Variants in CAMK1D observed in about 807,000 individuals in gnomAD.
CAMK1D encodes the protein calcium/calmodulin-dependent protein kinase type 1D.
In CAMK1D, 9 loss-of-function variants were observed where a neutral mutation model predicts 47.7. The ratio of observed to expected loss-of-function variants is 0.19; its 90% CI spans 0.11 to 0.33. The LOEUF (loss-of-function observed/expected upper bound fraction) is 0.33. Ranked by LOEUF, CAMK1D falls within the 10% of genes least tolerant of loss-of-function variation. The pLI, the probability that CAMK1D is intolerant of heterozygous loss-of-function variation, is 1.00. For missense variants in CAMK1D, 291 were observed against 488.7 expected (o/e 0.60, Z 3.81); for synonymous variants, 184 against 184.9 (o/e 0.99, Z 0.04).
chr10:12,596,931 AAGTTCCTGTCTTTGCTTTGAACACTCT>A (rs1225820978), intron 2 of CAMK1D, among the ~76,000 whole-genome samples: 1 of 152,134 alleles, frequency 6.6e-6, no homozygotes, highest in Admixed American at 6.5e-5. Context: ...ATTGAAAGCA[AAGTTCCTGTCTTTGCTTTGAACACTCT>A]AGTGAAACAG....
intron 1 of CAMK1D, among the ~76,000 whole-genome samples, chr10:12,481,201 A>G (rs1052862446): frequency 1.3e-5 from 2 of 152,112 alleles, no homozygotes; most frequent in South Asian, 2.1e-4. Flanking sequence ...TAACATCACT[A>G]TTGTGGTGTT....
chr10:12,609,080 G>A (rs1358843649), intron 2 of CAMK1D, among the ~76,000 whole-genome samples: 3 of 152,216 alleles, frequency 2.0e-5, no homozygotes, highest in African/African-American at 7.2e-5. Flanking sequence ...GGCCATGCAT[G>A]TGCATAGACA....
intron 2 of CAMK1D, among the ~76,000 whole-genome samples, chr10:12,573,831 C>CTTTTTTT (rs34038018): frequency 0.035 from 2,252 of 64,114 alleles, 269 homozygotes; most frequent in East Asian, 0.053. Context: ...ATTAAAAAAA[C>CTTTTTTT]TTTTTTTTTT....
At position 12,498,510 on chromosome 10, in the gene CAMK1D, C is replaced by A. The variant is rs146879330; in HGVS notation, c.93-54715C>A. Reference sequence around the variant, plus strand: ...GCTGAGATATGGCTGAATCCCATATCCACTGATGTGTTTGATTTTCAGCCT... The same window carrying A: ...GCTGAGATATGGCTGAATCCCATATACACTGATGTGTTTGATTTTCAGCCT... On this transcript the variant is annotated intron_variant, in intron 1 of 10. Coordinates refer to ENST00000619168, the MANE Select transcript of CAMK1D (RefSeq NM_153498.4). Among the ~76,000 whole-genome samples the A allele has an allele frequency of 1.4e-3, 206 of 152,268 alleles. 1 individual carries two copies. The highest frequency in any genetic ancestry group is 4.8e-3 in the African/African-American group (200 of 41,526).
chr10:12,372,221 C>T (rs1315111382), intron 1 of CAMK1D, among the ~76,000 whole-genome samples: 2 of 152,156 alleles, frequency 1.3e-5, no homozygotes, highest in African/African-American at 4.8e-5. Context: ...TTTCTCAGAA[C>T]ATACCCGAGA....
intron 1 of CAMK1D, among the ~76,000 whole-genome samples, chr10:12,486,703 G>T (rs1246064062): frequency 6.6e-6 from 1 of 152,192 alleles, no homozygotes. Flanking sequence ...TGGAATTTGG[G>T]GTCTCTCTCA....
chr10:12,658,862 C>G (rs1185098658), intron 2 of CAMK1D, among the ~76,000 whole-genome samples: 1 of 152,170 alleles, frequency 6.6e-6, no homozygotes, highest in Non-Finnish European at 1.5e-5. Flanking sequence ...CACTCATTCT[C>G]CAAGCCCACG....
intron 6 of CAMK1D, among the ~76,000 whole-genome samples, chr10:12,805,990 G>A (rs1016159137): frequency 6.6e-6 from 1 of 152,228 alleles, no homozygotes; most frequent in Non-Finnish European, 1.5e-5. Context: ...GAACACCAAG[G>A]TGGGGGCCTG....
At chr10:12,784,625 T>C (rs1276404789) in intron 5 of CAMK1D, among the ~76,000 whole-genome samples, 1 of 152,240 alleles carries the variant, frequency 6.6e-6, no homozygotes, top group Non-Finnish European at 1.5e-5. Context: ...GAAAGGTATT[T>C]AGCAAACTGC....
intron 2 of CAMK1D, among the ~76,000 whole-genome samples, chr10:12,615,622 G>A (rs1478866842): frequency 6.8e-6 from 1 of 147,712 alleles, no homozygotes; most frequent in Non-Finnish European, 1.5e-5. Context: ...ATACGTATGT[G>A]TAGTGTGAGT....
At position 12,749,464 on chromosome 10, in the gene CAMK1D, A is replaced by AG. The variant is rs1554820783; in HGVS notation, c.300-11483dup. Among the ~76,000 whole-genome samples the AG allele has an allele frequency of 2.4e-3, 349 of 147,656 alleles. 4 individuals are homozygous for AG. The East Asian group carries it at 0.034, about 14-fold the overall frequency. ...AAGTTAAAAAAAAAAAAAAAAAAAAAGAAATCCATTGTAAGAATGGCTTTT... is the reference window on the plus strand; with the variant it reads ...AAGTTAAAAAAAAAAAAAAAAAAAAAGGAAATCCATTGTAAGAATGGCTTTT... On this transcript the variant is annotated intron_variant, in intron 3 of 10. Transcript: ENST00000619168.
intron 3 of CAMK1D, among the ~76,000 whole-genome samples, chr10:12,744,926 C>G (rs1354132181): frequency 6.6e-6 from 1 of 152,112 alleles, no homozygotes; most frequent in African/African-American, 2.4e-5. Context: ...AAGTCAGATT[C>G]TTGCTTGAGG....
chr10:12,417,277 A>T (rs1839885998), intron 1 of CAMK1D, among the ~76,000 whole-genome samples: 1 of 152,106 alleles, frequency 6.6e-6, no homozygotes, highest in African/African-American at 2.4e-5. Context: ...AGAGACTGAG[A>T]GAGAGAGAGA....
intron 3 of CAMK1D, among the ~76,000 whole-genome samples, chr10:12,693,907 A>G (rs1202723481): frequency 8.7e-6 from 1 of 114,876 alleles, no homozygotes; most frequent in African/African-American, 3.3e-5. Flanking sequence ...AAATATATAT[A>G]TAATATATAT....
At chr10:12,740,160 T>C (rs1368216384) in intron 3 of CAMK1D, among the ~76,000 whole-genome samples, 1 of 152,226 alleles carries the variant, frequency 6.6e-6, no homozygotes, top group African/African-American at 2.4e-5. Flanking sequence ...GCTCTCCGTT[T>C]ATGCAGCCCT....
chr10:12,461,687 CAAAAAAAAAAA>C (rs57291391), intron 1 of CAMK1D, among the ~76,000 whole-genome samples: 4 of 90,390 alleles, frequency 4.4e-5, no homozygotes, highest in African/African-American at 8.2e-5. Context: ...GGCTTCATCT[CAAAAAAAAAAA>C]AAAAAAAAAG....
chr10:12,423,389 G>T (rs1564330847), intron 1 of CAMK1D, among the ~76,000 whole-genome samples: 1 of 152,130 alleles, frequency 6.6e-6, no homozygotes, highest in Non-Finnish European at 1.5e-5. Context: ...GGTGGCTTGT[G>T]CTGTGGTCCT....
At chr10:12,614,564 G>C (rs1838724386) in intron 2 of CAMK1D, among the ~76,000 whole-genome samples, 1 of 152,192 alleles carries the variant, frequency 6.6e-6, no homozygotes, top group African/African-American at 2.4e-5. Flanking sequence ...ACTTGAATGG[G>C]CAATTGAAAT....
At chr10:12,455,796 T>C (rs984871505) in intron 1 of CAMK1D, among the ~76,000 whole-genome samples, 2 of 152,226 alleles carry the variant, frequency 1.3e-5, no homozygotes, top group African/African-American at 4.8e-5. Context: ...TTACAGCAAC[T>C]AGCCCATGGA....
Sources: gnomAD v4.1 joint callset for allele counts (sites outside exome capture counted in the v4.1 genomes callset) on GRCh38, gnomAD v4.1.1 for gene constraint, MANE v1.5 for transcripts, NCBI Gene and HGNC (gene_info 2026-07-23, HGNC 2026-07-21) for gene names.